SEMA3D: variants seen among roughly 807,000 people sequenced by gnomAD.
The protein encoded by SEMA3D is semaphorin-3D.
In SEMA3D, 84 loss-of-function variants were observed where a neutral mutation model predicts 100.1. That is an observed-to-expected ratio of 0.84 (90% CI 0.70 to 1.01). The LOEUF (loss-of-function observed/expected upper bound fraction) is 1.01, where lower values mean the gene tolerates loss of function less well. SEMA3D is among the 50% of genes least tolerant of loss of function. The pLI is 0.00. For synonymous variants in SEMA3D, 312 were observed against 320.7 expected (o/e 0.97, Z 0.29); for missense variants, 875 against 934.1 (o/e 0.94, Z 0.82).
At chr7:85,211,241 C>A in the SEMA3D span, among the ~76,000 whole-genome samples, 1 of 151,778 alleles carries the variant, frequency 6.6e-6, no homozygotes, top group African/African-American at 2.4e-5. Flanking sequence ...AAGATGAGAC[C>A]CAATTCTAAA....
At chr7:85,164,060 A>G (rs955767479) in intron 1 of SEMA3D, among the ~76,000 whole-genome samples, 7 of 152,272 alleles carry the variant, frequency 4.6e-5, no homozygotes, top group African/African-American at 1.7e-4. Flanking sequence ...AACTTTTCAA[A>G]ATGCTAATTA....
At chr7:85,195,256 T>C in the SEMA3D span, among the ~76,000 whole-genome samples, 3 of 152,136 alleles carry the variant, frequency 2.0e-5, no homozygotes, top group Non-Finnish European at 4.4e-5. Flanking sequence ...TAAATGATAG[T>C]AAAGGACATT....
chr7:85,201,501 A>C, the SEMA3D span, among the ~76,000 whole-genome samples: 4 of 151,908 alleles, frequency 2.6e-5, no homozygotes, highest in Non-Finnish European at 5.9e-5. Context: ...GACCCTACTC[A>C]TTTTGGGATG....
In SEMA3D at chr7:85,142,887, A is replaced by G. The variant is rs1317582704; in HGVS notation, c.-41+10721T>C. 3.0e-6 allele frequency: 3 copies of G among 985,050 alleles called. No individual in the cohort carries two copies. In the East Asian group the frequency reaches 3.4e-4, roughly 112 times the overall value. The allele number at this position is 985,050 out of a possible 1,614,324, so 61.0% of individuals were successfully genotyped here. A position where few individuals can be genotyped will look rare whatever the true frequency, so the allele number is the denominator to read the frequency against. On this transcript the variant is annotated intron_variant, in intron 2 of 18. Coordinates refer to ENST00000284136, the MANE Select transcript of SEMA3D (RefSeq NM_001384900.1). ...TCTGAATATGTCTTTCTTGAGCCAT[A>G]TCCATGAGTTGAAAAGACTTTCTCT...
At chr7:85,249,525 A>G in the SEMA3D span, among the ~76,000 whole-genome samples, 2 of 152,344 alleles carry the variant, frequency 1.3e-5, no homozygotes, top group South Asian at 2.1e-4. Flanking sequence ...CTCGAACAGT[A>G]GACCTCTTCT....
intron 5 of SEMA3D, among the ~76,000 whole-genome samples, chr7:85,076,997 T>G (rs936783995): frequency 2.8e-4 from 43 of 151,448 alleles, no homozygotes; most frequent in Non-Finnish European, 5.3e-4. Context: ...TCCCAGCTAC[T>G]CAGGAGGCTG....
At chr7:85,074,025 C>T (rs1390923388) in intron 5 of SEMA3D, among the ~76,000 whole-genome samples, 2 of 152,120 alleles carry the variant, frequency 1.3e-5, no homozygotes, top group Non-Finnish European at 2.9e-5. Context: ...TTATTTTCAA[C>T]CTATCTCCTG....
At chr7:85,148,350 TCAGTGTGGACA>T (rs987922942) in intron 2 of SEMA3D, among the ~76,000 whole-genome samples, 43 of 152,318 alleles carry the variant, frequency 2.8e-4, no homozygotes, top group African/African-American at 1.0e-3. Flanking sequence ...TTTTGAGCTT[TCAGTGTGGACA>T]CTGATGGCAC....
chr7:85,119,524 T>G (rs566353606), intron 3 of SEMA3D, among the ~76,000 whole-genome samples: 1 of 152,084 alleles, frequency 6.6e-6, no homozygotes, highest in Admixed American at 6.6e-5. Flanking sequence ...GAAAAAATAC[T>G]GCATACTCTC....
chr7:85,053,984 T>C (rs577147529), intron 9 of SEMA3D, among the ~76,000 whole-genome samples: 9 of 152,014 alleles, frequency 5.9e-5, no homozygotes, highest in African/African-American at 2.2e-4. Flanking sequence ...TTTCTCTGCC[T>C]TTCCAGTTCT....
chr7:85,198,758 T>C, the SEMA3D span, among the ~76,000 whole-genome samples: 2 of 151,384 alleles, frequency 1.3e-5, no homozygotes, highest in African/African-American at 4.8e-5. Flanking sequence ...AGTTTTTTAT[T>C]AACTGGTTTA....
At position 84,999,731 on chromosome 7, in the gene SEMA3D, C is replaced by G. The variant is rs1241135603; in HGVS notation, c.2043G>C (p.Leu681Phe). The change falls in exon 19 of 19, where the codon TTG becomes TTC. Residue 681 changes from leucine (L) to phenylalanine (F), a missense_variant. Leu to Phe is a conservative substitution (Grantham distance 22). Coordinates refer to ENST00000284136, the MANE Select transcript of SEMA3D (RefSeq NM_001384900.1). ...CCATCTGTTCATTCTCAATGACATT[C>G]AAAGTCAGCTTCACTATGGTGTGGA... ...TFIHTIVKLT[L>F]NVIENEQMEN... 5 of 1,614,050 alleles carry G rather than the reference C, an allele frequency of 3.1e-6. No homozygotes were observed. The highest frequency in any genetic ancestry group is 4.2e-6 in the Non-Finnish European group (5 of 1,180,004).
rs1391094348 is a variant in SEMA3D, at chr7:85,072,974, T to C, written c.483A>G (p.Gly161=). The change falls in exon 6 of 19, where the codon GGA becomes GGG. Residue 161 remains glycine, a synonymous_variant. Transcript: ENST00000284136. ...TTCATTATATTACCTCCTTGTAGAC[T>C]CCAAGATCAATATACCCACATATTG... is the stretch of plus-strand genomic sequence containing the variant. The part of the protein sequence containing the change: ...FHPICGYIDL[G]VYKEDIIFKL... 4 of 1,605,692 alleles carry C rather than the reference T, an allele frequency of 2.5e-6. No homozygotes were observed. The South Asian group carries it at 4.5e-5, about 18-fold the overall frequency.
chr7:85,024,479 T>G (rs1790339218), intron 12 of SEMA3D, among the ~76,000 whole-genome samples: 1 of 151,936 alleles, frequency 6.6e-6, no homozygotes, highest in African/African-American at 2.4e-5. Flanking sequence ...TGCAAGAAAG[T>G]ATAGCTGAAT....
intron 2 of SEMA3D, among the ~76,000 whole-genome samples, chr7:85,126,401 TGTC>T (rs771769603): frequency 0.35 from 36,228 of 102,448 alleles, 4,936 homozygotes; most frequent in East Asian, 0.54. Context: ...TGTGTGTGTG[TGTC>T]GTGTGTGTGT....
Position 85,117,583 on chromosome 7 carries a change from G to A in SEMA3D, c.151+4158C>T, listed in dbSNP as rs114446637. ...TGCCTGAGCCCAGGAGACAAGCCTG[G>A]GCAACATGGTGAAACTCCGTCTCTA... is the stretch of plus-strand genomic sequence containing the variant. On this transcript the variant is annotated intron_variant, in intron 3 of 18. Transcript: ENST00000284136. Among the ~76,000 whole-genome samples the A allele has an allele frequency of 4.3e-3, 654 of 152,104 alleles. 5 individuals carry two copies. Among genetic ancestry groups the A allele is most frequent in the African/African-American group, 0.015 (638 of 41,482 alleles).
the SEMA3D span, among the ~76,000 whole-genome samples, chr7:85,237,676 TC>T: frequency 1.3e-5 from 2 of 152,202 alleles, no homozygotes; most frequent in African/African-American, 4.8e-5. Context: ...TTTTATCTAT[TC>T]ATCCTATTGA....
At chr7:85,026,365 C>A (rs964737844) in intron 12 of SEMA3D, among the ~76,000 whole-genome samples, 1 of 152,042 alleles carries the variant, frequency 6.6e-6, no homozygotes, top group Non-Finnish European at 1.5e-5. Context: ...GATAGAGAGA[C>A]ATGAGTGAGC....
At chr7:85,249,061 G>A in the SEMA3D span, among the ~76,000 whole-genome samples, 1 of 152,154 alleles carries the variant, frequency 6.6e-6, no homozygotes, top group Non-Finnish European at 1.5e-5. Flanking sequence ...CAATGGGAGA[G>A]GTTATGCATG....
Sources: allele counts gnomAD v4.1 joint callset (sites outside exome capture counted in the v4.1 genomes callset), GRCh38; gene constraint gnomAD v4.1.1; transcripts MANE v1.5; gene names NCBI Gene and HGNC (gene_info 2026-07-23, HGNC 2026-07-21).